The following NDUFA10 variants were observed in gnomAD, a reference collection of about 807,000 sequenced individuals.
The protein encoded by NDUFA10 is NADH dehydrogenase [ubiquinone] 1 alpha subcomplex subunit 10, mitochondrial.
A neutral mutation model predicts 47.8 loss-of-function variants in NDUFA10; 40 were observed. The observed-to-expected ratio is 0.84, with a 90% CI of 0.65 to 1.09. The LOEUF is 1.09. NDUFA10 is among the 50% of genes least tolerant of loss of function. The probability of loss-of-function intolerance (pLI) is 0.00; values close to 1 mark genes in which losing one functional copy is unlikely to be tolerated. For synonymous variants in NDUFA10, 183 were observed against 172.2 expected, an observed-to-expected ratio of 1.06 and a Z score of -0.49; for missense variants, 413 against 451.1, an observed-to-expected ratio of 0.92 and a Z score of 0.76.
chr2:240,022,184 C>G lies in NDUFA10; in HGVS notation c.232G>C (p.Ala78Pro), dbSNP rs759737061. The change falls in exon 2 of 10, where the codon GCA (alanine) becomes CCA (proline). Residue 78 changes from alanine to proline, a missense_variant. Transcript: ENST00000252711. ...CATAAAATCATACCTAGTTTCTCTG[C>G]TATTTCTTTTGCAAGTTTGCCTTTT... ...TGKGKLAKEI[A>P]EKLGFKHFPE... The G allele has an allele frequency of 2.5e-6, 4 of 1,611,136 alleles. No homozygotes were observed. Among genetic ancestry groups the G allele is most frequent in the Non-Finnish European group, 3.4e-6 (4 of 1,177,320 alleles).
At chr2:239,905,796 G>C (rs1693642251) in intron 4 of NDUFA10, among the ~76,000 whole-genome samples, 3 of 138,972 alleles carry the variant, frequency 2.2e-5, no homozygotes, top group Admixed American at 7.0e-5. Flanking sequence ...AAGAAGCGGG[G>C]AGAGGAGGGG....
rs948621986 is a variant in NDUFA10, at chr2:239,961,004, C to T, written c.*114G>A. ...TTGTGAGACCCCTTCTTCCACTGTG[C>T]AATTTTTGCATTATTTACCCTCCCC... On this transcript the variant is annotated 3_prime_UTR_variant, in exon 10 of 10. Transcript: ENST00000252711. 1.3e-5 allele frequency: 20 copies of T among 1,559,928 alleles called. No homozygotes were observed. The highest frequency in any genetic ancestry group is 5.5e-5 in the African/African-American group (4 of 73,390).
chr2:239,924,696 A>G (rs1057184257), intron 4 of NDUFA10, among the ~76,000 whole-genome samples: 1 of 152,242 alleles, frequency 6.6e-6, no homozygotes, highest in Admixed American at 6.5e-5. Context: ...AGGACCAAAA[A>G]TCCTAACTAG....
chr2:239,894,387 T>C (rs1345254193), intron 5 of NDUFA10, among the ~76,000 whole-genome samples: 1 of 151,256 alleles, frequency 6.6e-6, no homozygotes, highest in East Asian at 2.0e-4. Context: ...CGTCCTCAGC[T>C]CCATCATCCC....
chr2:239,956,825 CTGCT>C (rs1304237197), downstream of NDUFA10, among the ~76,000 whole-genome samples: 2 of 152,222 alleles, frequency 1.3e-5, no homozygotes, highest in African/African-American at 2.4e-5. Flanking sequence ...TCTACCCTAC[CTGCT>C]TGTTTTTTCC....
At chr2:240,015,936 C>T (rs1019828314) in intron 4 of NDUFA10, among the ~76,000 whole-genome samples, 3 of 152,230 alleles carry the variant, frequency 2.0e-5, no homozygotes, top group Non-Finnish European at 2.9e-5. Flanking sequence ...GGGCGCAGAT[C>T]ACTGGAGCCC....
chr2:239,897,304 CTATTTT>C (rs1275034133), intron 4 of NDUFA10, among the ~76,000 whole-genome samples: 2 of 151,936 alleles, frequency 1.3e-5, no homozygotes, highest in African/African-American at 4.8e-5. Flanking sequence ...AAGAAAAATC[CTATTTT>C]TATTAGAAAT....
chr2:239,933,323 C>T (rs1348256170), intron 4 of NDUFA10, among the ~76,000 whole-genome samples: 1 of 152,176 alleles, frequency 6.6e-6, no homozygotes, highest in Non-Finnish European at 1.5e-5. Flanking sequence ...TCCATCTCTA[C>T]CCTTCAGGAG....
At chr2:240,012,502 G>A (rs1697181394) in intron 5 of NDUFA10, 3 of 152,194 alleles carry the variant, frequency 2.0e-5, no homozygotes, top group Admixed American at 2.0e-4. Context: ...AGAGAGGAAG[G>A]AAGAAAGAAA....
chr2:239,903,192 C>T (rs72999745), intron 4 of NDUFA10, among the ~76,000 whole-genome samples: 3,278 of 152,238 alleles, frequency 0.022, 46 homozygotes, highest in Non-Finnish European at 0.031. Context: ...GCTGGTGAGA[C>T]GTGCGCTCCT....
chr2:239,970,387 T>C (rs1559334463), intron 9 of NDUFA10, among the ~76,000 whole-genome samples: 1 of 152,220 alleles, frequency 6.6e-6, no homozygotes, highest in Non-Finnish European at 1.5e-5. Flanking sequence ...ATCTGTTCTA[T>C]AACAACTGCT....
At chr2:239,921,307 G>C (rs1693974925) in intron 4 of NDUFA10, among the ~76,000 whole-genome samples, 1 of 151,822 alleles carries the variant, frequency 6.6e-6, no homozygotes, top group African/African-American at 2.4e-5. Context: ...GAGTGTTATA[G>C]CTCTTAAAGG....
At position 239,918,763 on chromosome 2, in the gene NDUFA10, T is replaced by C. The variant is rs547480052; in HGVS notation, c.295-23449A>G. 1.1e-4 allele frequency among the ~76,000 whole-genome samples: 16 copies of C among 152,316 alleles called. 1 individual carries two copies. Among genetic ancestry groups the C allele is most frequent in the Middle Eastern group, 6.8e-3 (2 of 294 alleles). On this transcript the variant is annotated intron_variant, in intron 4 of 5. Coordinates refer to the NDUFA10 transcript ENST00000419408. Reference sequence around the variant, plus strand: ...AATCCAGCATTGGGACCACGCATGGTGACTGGTTACCCACGTCAGCTCCCA... The same window carrying C: ...AATCCAGCATTGGGACCACGCATGGCGACTGGTTACCCACGTCAGCTCCCA...
At chr2:239,938,240 G>A (rs1221553881) in intron 4 of NDUFA10, among the ~76,000 whole-genome samples, 1 of 152,156 alleles carries the variant, frequency 6.6e-6, no homozygotes, top group Non-Finnish European at 1.5e-5. Context: ...ACCGTGATAT[G>A]GAATAAACCT....
chr2:239,979,118 C>T (rs1453584154), intron 9 of NDUFA10, among the ~76,000 whole-genome samples: 1 of 152,192 alleles, frequency 6.6e-6, no homozygotes, highest in African/African-American at 2.4e-5. Flanking sequence ...CTGGGCTCAT[C>T]CATCCATCAG....
At chr2:239,899,930 A>C (rs1480398202) in intron 4 of NDUFA10, among the ~76,000 whole-genome samples, 4 of 112,990 alleles carry the variant, frequency 3.5e-5, no homozygotes, top group Non-Finnish European at 8.6e-5. Context: ...CACCCATCTT[A>C]AAAAGTCACT....
At chr2:239,990,251 C>T (rs940291739) in intron 8 of NDUFA10, 69 bp from the exon 9 acceptor site, 19 of 1,303,346 alleles carry the variant, frequency 1.5e-5, no homozygotes, top group South Asian at 6.0e-5. Context: ...AGTGTAAGTC[C>T]GATTTTTTTT....
intron 8 of NDUFA10, among the ~76,000 whole-genome samples, chr2:239,998,114 T>C (rs1410109811): frequency 1.3e-5 from 2 of 152,352 alleles, no homozygotes; most frequent in East Asian, 1.9e-4. Context: ...CCTGGCACTG[T>C]GGTGGCAGAA....
downstream of NDUFA10, among the ~76,000 whole-genome samples, chr2:239,955,682 C>T (rs554964727): frequency 5.3e-5 from 8 of 152,204 alleles, no homozygotes; most frequent in South Asian, 1.7e-3. Flanking sequence ...CTGAGGGGGC[C>T]GCAGGACAGA....
Sources: allele counts gnomAD v4.1 joint callset (sites outside exome capture counted in the v4.1 genomes callset), GRCh38; gene constraint gnomAD v4.1.1; transcripts MANE v1.5; gene names NCBI Gene and HGNC (gene_info 2026-07-23, HGNC 2026-07-21).